Variants in HECW1 observed in about 807,000 individuals in gnomAD.
HECW1 encodes E3 ubiquitin-protein ligase HECW1.
Under a neutral mutation model 182.3 loss-of-function variants are expected in HECW1, and 61 were observed. That is an observed-to-expected ratio of 0.33 (90% CI 0.27 to 0.41). HECW1 has a LOEUF of 0.41. HECW1 is among the 10% of genes least tolerant of loss of function. HECW1 has a pLI of 1.00. For synonymous variants in HECW1, 859 were observed against 832.6 expected (o/e 1.03, Z -0.55); for missense variants, 1,739 against 2,108.9 (o/e 0.82, Z 3.44).
chr7:43,341,058 G>A lies in HECW1; in HGVS notation c.461-19828G>A, dbSNP rs1332995469. The stretch of plus-strand genomic sequence containing the variant: ...ATCATTCTCAGCAAACTATCACAAG[G>A]ACAGAAAACCAAACACTGCATGTTC... On this transcript the variant is annotated intron_variant, in intron 5 of 29. Transcript: ENST00000395891. 2.0e-5 allele frequency among the ~76,000 whole-genome samples: 3 copies of A among 151,574 alleles called. No homozygotes were observed. In the East Asian group the frequency reaches 5.8e-4, roughly 29 times the overall value.
intron 2 of HECW1, among the ~76,000 whole-genome samples, chr7:43,127,484 C>T (rs558848506): frequency 1.1e-3 from 144 of 135,244 alleles, no homozygotes; most frequent in Non-Finnish European, 1.6e-3. Flanking sequence ...GATTGCACCA[C>T]TGCACTCCAG....
chr7:43,498,539 A>G (rs2079201819), intron 19 of HECW1, among the ~76,000 whole-genome samples: 1 of 152,178 alleles, frequency 6.6e-6, no homozygotes, highest in African/African-American at 2.4e-5. Context: ...TTTGGAGGAG[A>G]AAGCCCAGGG....
chr7:43,404,347 C>A (rs966772722), intron 7 of HECW1, among the ~76,000 whole-genome samples: 1 of 152,186 alleles, frequency 6.6e-6, no homozygotes. Context: ...TTTTCTAAAG[C>A]TACTAATTCT....
chr7:43,322,089 G>T (rs1054112665), intron 5 of HECW1, among the ~76,000 whole-genome samples: 2 of 152,046 alleles, frequency 1.3e-5, no homozygotes, highest in Non-Finnish European at 2.9e-5. Flanking sequence ...TTTTTTTTGA[G>T]ACGGAGTTTC....
intron 3 of HECW1, among the ~76,000 whole-genome samples, chr7:43,277,514 CTG>C (rs1456853354): frequency 6.6e-6 from 1 of 152,188 alleles, no homozygotes. Context: ...GAACCCATGA[CTG>C]TATTCTCCGC....
At chr7:43,357,056 A>T (rs1265307722) in intron 5 of HECW1, among the ~76,000 whole-genome samples, 1 of 152,184 alleles carries the variant, frequency 6.6e-6, no homozygotes, top group Non-Finnish European at 1.5e-5. Context: ...ATTCACCCCA[A>T]TTAAAACAGG....
chr7:43,293,308 G>A (rs1233706096), intron 3 of HECW1, among the ~76,000 whole-genome samples: 1 of 151,854 alleles, frequency 6.6e-6, no homozygotes, highest in East Asian at 1.9e-4. Flanking sequence ...AGCGGTTCAA[G>A]GGCCCGAATA....
At chr7:43,352,991 G>A (rs1270700258) in intron 5 of HECW1, among the ~76,000 whole-genome samples, 1 of 152,084 alleles carries the variant, frequency 6.6e-6, no homozygotes, top group African/African-American at 2.4e-5. Flanking sequence ...TCTTTAAGTG[G>A]TAATAAACTG....
chr7:43,411,167 A>T (rs554195232), intron 8 of HECW1, among the ~76,000 whole-genome samples: 60 of 151,726 alleles, frequency 4.0e-4, no homozygotes, highest in African/African-American at 1.4e-3. Context: ...ACTGCATTTT[A>T]TAAATTTGTA....
chr7:43,369,592 C>T (rs1248302252), intron 6 of HECW1, among the ~76,000 whole-genome samples: 1 of 152,126 alleles, frequency 6.6e-6, no homozygotes, highest in African/African-American at 2.4e-5. Context: ...TATTTACTAC[C>T]TAGGCATTTA....
chr7:43,243,804 G>A lies in HECW1; in HGVS notation c.-31-71G>A. The stretch of plus-strand genomic sequence containing the variant: ...GGGGGTGGGGGAAACAATGTTGTTT[G>A]TGTGGGTAATGTTGCTGATTTTGTT... On this transcript the variant is annotated intron_variant, in intron 2 of 29. Coordinates refer to ENST00000395891, the MANE Select transcript of HECW1 (RefSeq NM_015052.5). The surrounding 1 kb of genome is among the most constrained non-coding windows in gnomAD (Gnocchi z 4.0). The A allele has an allele frequency of 8.6e-7, 1 of 1,163,474 alleles. No homozygotes were observed. Among genetic ancestry groups the A allele is most frequent in the Non-Finnish European group, 1.3e-6 (1 of 769,302 alleles). 72.1% of individuals were successfully genotyped at this position (1,163,474 alleles called of 1,614,324 possible). A position where few individuals can be genotyped will look rare whatever the true frequency, so the allele number is the denominator to read the frequency against.
chr7:43,444,566 G>T lies in HECW1; in HGVS notation c.1394G>T (p.Gly465Val). Residue 465 changes from glycine to valine, a missense_variant, in exon 11 of 30, where the codon GGT becomes GTT. Gly to Val is a moderately radical substitution (Grantham distance 109). Coordinates refer to ENST00000395891, the MANE Select transcript of HECW1 (RefSeq NM_015052.5). This position sits in a 1 kb window ranked among gnomAD's most constrained non-coding sequence, Gnocchi z 4.3. ...AEELAEQLDL[G>V]EEASALLLED... The stretch of plus-strand genomic sequence containing the variant: ...GAGCTGGCCGAGCAGCTGGACCTGG[G>T]TGAGGAGGCATCAGCACTGCTGCTG... 1 of 1,611,068 alleles carries T rather than the reference G, an allele frequency of 6.2e-7. No individual in the cohort carries two copies.
At chr7:43,475,925 C>G (rs1011432712) in intron 16 of HECW1, among the ~76,000 whole-genome samples, 2 of 152,114 alleles carry the variant, frequency 1.3e-5, no homozygotes, top group Non-Finnish European at 2.9e-5. Flanking sequence ...CCTAATAAAG[C>G]CTCCTTTAAA....
intron 24 of HECW1, among the ~76,000 whole-genome samples, chr7:43,536,801 C>T (rs1376063145): frequency 3.3e-5 from 5 of 152,180 alleles, no homozygotes; most frequent in African/African-American, 9.7e-5. Flanking sequence ...AAAAGAGTCC[C>T]TGTAAACTCT....
At chr7:43,348,571 G>A (rs1348142048) in intron 5 of HECW1, among the ~76,000 whole-genome samples, 4 of 151,556 alleles carry the variant, frequency 2.6e-5, no homozygotes, top group Non-Finnish European at 5.9e-5. Flanking sequence ...GGTTTGGTTT[G>A]TTCTTGTTTC....
intron 17 of HECW1, among the ~76,000 whole-genome samples, 183 bp from the exon 18 acceptor site, chr7:43,491,892 C>T (rs2078945178): frequency 6.6e-6 from 1 of 152,206 alleles, no homozygotes; most frequent in South Asian, 2.1e-4. Flanking sequence ...CTTTCTTAAC[C>T]ATAGTATAGC....
At chr7:43,392,885 A>T (rs2075092195) in intron 6 of HECW1, among the ~76,000 whole-genome samples, 1 of 152,080 alleles carries the variant, frequency 6.6e-6, no homozygotes, top group African/African-American at 2.4e-5. Context: ...TGATCTTCAC[A>T]CTCTTTTGCT....
intron 5 of HECW1, among the ~76,000 whole-genome samples, chr7:43,335,630 A>G (rs1272094202): frequency 6.6e-6 from 1 of 152,228 alleles, no homozygotes; most frequent in African/African-American, 2.4e-5. Context: ...TAGCAGTCCA[A>G]AATGACTTAG....
At chr7:43,546,952 C>T (rs2081589619) in intron 26 of HECW1, among the ~76,000 whole-genome samples, 1 of 152,124 alleles carries the variant, frequency 6.6e-6, no homozygotes, top group Non-Finnish European at 1.5e-5. Context: ...CTTTCGCCTG[C>T]ATTAAAAACC....
Sources: allele counts gnomAD v4.1 joint callset (sites outside exome capture counted in the v4.1 genomes callset), GRCh38; gene constraint gnomAD v4.1.1; non-coding constraint Gnocchi (gnomAD v3.1); transcripts MANE v1.5; gene names NCBI Gene and HGNC (gene_info 2026-07-23, HGNC 2026-07-21).